Variants in NSD3 observed in about 807,000 individuals in gnomAD.
The protein encoded by NSD3 is nuclear receptor binding SET domain protein 3.
In NSD3, 24 loss-of-function variants were observed where a neutral mutation model predicts 160.8. The ratio of observed to expected loss-of-function variants is 0.15; its 90% CI spans 0.11 to 0.21. The LOEUF (loss-of-function observed/expected upper bound fraction) is 0.21. NSD3 is among the 10% of genes least tolerant of loss of function. NSD3 has a pLI of 1.00. For missense variants in NSD3, 1,157 were observed against 1,735.9 expected (o/e 0.67, Z 5.93); for synonymous variants, 520 against 600.0 (o/e 0.87, Z 1.95).
chr8:38,288,419 C>A lies in NSD3; in HGVS notation c.3501+68G>T. 1.3e-6 allele frequency: 2 copies of A among 1,554,732 alleles called. No individual in the cohort carries two copies. Among genetic ancestry groups the A allele is most frequent in the Non-Finnish European group, 1.7e-6 (2 of 1,149,392 alleles). On this transcript the variant is annotated intron_variant, in intron 19 of 23. Transcript: ENST00000317025. This position sits in a 1 kb window ranked among gnomAD's most constrained non-coding sequence, Gnocchi z 4.5. ...TGCTGATTTTATCCCTAGAACTATACCCTACTGAAGCATTCCTGAAAAGCC... is the reference window on the plus strand; with the variant it reads ...TGCTGATTTTATCCCTAGAACTATAACCTACTGAAGCATTCCTGAAAAGCC...
chr8:38,327,898 A>G (rs1413221588), intron 6 of NSD3, among the ~76,000 whole-genome samples: 1 of 152,228 alleles, frequency 6.6e-6, no homozygotes, highest in East Asian at 1.9e-4. Flanking sequence ...GAAGTGATTT[A>G]TAAACATATA....
chr8:38,275,210 A>G lies in NSD3; in HGVS notation c.*431T>C, dbSNP rs1489683089. The stretch of plus-strand genomic sequence containing the variant: ...AAACACACACACACTTGATTAGACT[A>G]TTGAACTACACTTCTTGAAATTCCT... On this transcript the variant is annotated 3_prime_UTR_variant, in exon 24 of 24. Coordinates refer to ENST00000317025, the MANE Select transcript of NSD3 (RefSeq NM_023034.2). 3.9e-6 allele frequency: 1 copy of G among 256,662 alleles called. No individual in the cohort carries two copies. The highest frequency in any genetic ancestry group is 7.5e-6 in the Non-Finnish European group (1 of 132,988). 15.9% of individuals were successfully genotyped at this position (256,662 alleles called of 1,614,324 possible).
chr8:38,346,707 A>T (rs189715776), intron 2 of NSD3, among the ~76,000 whole-genome samples: 1 of 152,146 alleles, frequency 6.6e-6, no homozygotes, highest in African/African-American at 2.4e-5. Context: ...AAGTAATAGA[A>T]GCCAGCTACC....
At position 38,303,441 on chromosome 8, in the gene NSD3, A is replaced by G. The variant is rs992859790; in HGVS notation, c.2611+1146T>C. The G allele has an allele frequency of 9.2e-6, 9 of 977,680 alleles. No homozygotes were observed. In the African/African-American group the frequency reaches 1.6e-4, roughly 17 times the overall value. The allele number at this position is 977,680 out of a possible 1,614,324, so 60.6% of individuals were successfully genotyped here. A position where few individuals can be genotyped will look rare whatever the true frequency, so the allele number is the denominator to read the frequency against. On this transcript the variant is annotated intron_variant, in intron 14 of 23. Coordinates refer to ENST00000317025, the MANE Select transcript of NSD3 (RefSeq NM_023034.2). ...ACAGTACTTCCTGCTCCAAAGGCAG[A>G]CAGTCACATGTGCTTATAAAACAGG...
At chr8:38,326,888 A>G (rs1809925521) in intron 6 of NSD3, 32 bp from the exon 7 acceptor site, 1 of 1,611,462 alleles carries the variant, frequency 6.2e-7, no homozygotes, top group South Asian at 1.1e-5. Context: ...AAAACAACAA[A>G]ACAGGTGATT....
intron 14 of NSD3, among the ~76,000 whole-genome samples, chr8:38,302,061 G>C (rs1192485150): frequency 6.6e-6 from 1 of 152,246 alleles, no homozygotes; most frequent in East Asian, 1.9e-4. Flanking sequence ...GAAGAGGAGT[G>C]ATGTCAAACC....
In NSD3 at chr8:38,317,622, C is replaced by A; in HGVS notation, c.1855+1273G>T. ...ATACAGTTTGGGCTGTTTGGCAAAC[C>A]CCTGCAGATGTGCATTAATGATGCT... On this transcript the variant is annotated intron_variant, in intron 9 of 23. Transcript: ENST00000317025. This position sits in a 1 kb window ranked among gnomAD's most constrained non-coding sequence, Gnocchi z 5.3. The A allele has an allele frequency of 8.8e-7, 1 of 1,141,452 alleles. No individual in the cohort carries two copies. The highest frequency in any genetic ancestry group is 1.1e-6 in the Non-Finnish European group (1 of 925,944). The allele number at this position is 1,141,452 out of a possible 1,614,324, so 70.7% of individuals were successfully genotyped here.
chr8:38,330,025 G>A, intron 5 of NSD3, 132 bp from the exon 6 acceptor site: 1 of 1,043,284 alleles, frequency 9.6e-7, no homozygotes, highest in Non-Finnish European at 1.4e-6. Flanking sequence ...GGTCAAACAA[G>A]TGGAATGTTC....
At chr8:38,358,811 T>C (rs1810887300) in intron 1 of NSD3, among the ~76,000 whole-genome samples, 1 of 152,104 alleles carries the variant, frequency 6.6e-6, no homozygotes. Flanking sequence ...GTGACTCACA[T>C]TTGATCACAG....
At chr8:38,353,693 T>C (rs1286575865) in intron 1 of NSD3, among the ~76,000 whole-genome samples, 1 of 152,200 alleles carries the variant, frequency 6.6e-6, no homozygotes, top group Non-Finnish European at 1.5e-5. Flanking sequence ...CAGGAGTCCA[T>C]GGAGTGAACA....
intron 16 of NSD3, among the ~76,000 whole-genome samples, chr8:38,294,659 A>G (rs1290504424): frequency 6.6e-6 from 1 of 152,120 alleles, no homozygotes; most frequent in Non-Finnish European, 1.5e-5. Flanking sequence ...AGAAATCAAC[A>G]TATATCTAAT....
intron 3 of NSD3, 162 bp from the exon 4 acceptor site, chr8:38,337,629 G>A: frequency 2.0e-6 from 1 of 489,022 alleles, no homozygotes; most frequent in Non-Finnish European, 3.2e-6. Flanking sequence ...TAGGTATAAA[G>A]TACATTAAAA....
chr8:38,294,452 G>A (rs1330258651), intron 16 of NSD3, among the ~76,000 whole-genome samples: 1 of 152,108 alleles, frequency 6.6e-6, no homozygotes, highest in African/African-American at 2.4e-5. Flanking sequence ...AAGCCTTAAA[G>A]GAGAAAGTAC....
At chr8:38,313,649 G>T (rs921662047) in intron 12 of NSD3, among the ~76,000 whole-genome samples, 1 of 151,964 alleles carries the variant, frequency 6.6e-6, no homozygotes, top group Non-Finnish European at 1.5e-5. Flanking sequence ...TTAGCCAGGC[G>T]TGGTGGCAGG....
intron 17 of NSD3, among the ~76,000 whole-genome samples, chr8:38,290,010 G>A (rs1387470021): frequency 1.3e-4 from 20 of 152,116 alleles, no homozygotes. Flanking sequence ...GAACCCAGGA[G>A]TTCAAGACCA....
In NSD3 at chr8:38,279,534, T is replaced by C. The variant is rs1019996737; in HGVS notation, c.3760+6A>G. ...GGAAAGCATGGGGAACGAGTCACTT[T>C]TTTACCTGCAGGAATATCACAGAGA... On this transcript the variant is annotated splice_donor_region_variant and intron_variant, in intron 21 of 23. Coordinates refer to ENST00000317025, the MANE Select transcript of NSD3 (RefSeq NM_023034.2). 1 of 1,613,568 alleles carries C rather than the reference T, an allele frequency of 6.2e-7. No individual in the cohort carries two copies. Among genetic ancestry groups the C allele is most frequent in the Non-Finnish European group, 8.5e-7 (1 of 1,179,580 alleles).
At position 38,321,204 on chromosome 8, in the gene NSD3, C is replaced by G; in HGVS notation, c.1709-32G>C. On this transcript the variant is annotated intron_variant, in intron 7 of 23. Transcript: ENST00000317025. This position sits in a 1 kb window ranked among gnomAD's most constrained non-coding sequence, Gnocchi z 4.7. Reference sequence around the variant, plus strand: ...AATGATTTAAACACACAAACAAAAACTCACTTAAGGATACCTTGACATCTA... The same window carrying G: ...AATGATTTAAACACACAAACAAAAAGTCACTTAAGGATACCTTGACATCTA... The G allele has an allele frequency of 3.2e-6, 5 of 1,580,438 alleles. No homozygotes were observed. The highest frequency in any genetic ancestry group is 4.3e-6 in the Non-Finnish European group (5 of 1,158,348).
In NSD3 at chr8:38,289,508, G is replaced by A. The variant is rs1247840106; in HGVS notation, c.3119-3C>T. On this transcript the variant is annotated splice_polypyrimidine_tract_variant and splice_region_variant and intron_variant, in intron 17 of 23. Transcript: ENST00000317025. ...ACGTTTTGCAGCTTCTTCCAGTGCT[G>A]CCAATAAGATGATACAAAGTATGTA... The A allele has an allele frequency of 1.9e-6, 3 of 1,611,398 alleles. No homozygotes were observed. Among genetic ancestry groups the A allele is most frequent in the Admixed American group, 3.4e-5 (2 of 59,458 alleles).
chr8:38,353,718 T>C (rs988728824), intron 1 of NSD3, among the ~76,000 whole-genome samples: 10 of 152,210 alleles, frequency 6.6e-5, no homozygotes, highest in African/African-American at 2.4e-4. Context: ...TACATTTGTA[T>C]CACAGAGTGT....
Sources: allele counts gnomAD v4.1 joint callset (sites outside exome capture counted in the v4.1 genomes callset), GRCh38; gene constraint gnomAD v4.1.1; non-coding constraint Gnocchi (gnomAD v3.1); transcripts MANE v1.5; gene names NCBI Gene and HGNC (gene_info 2026-07-23, HGNC 2026-07-21).